INTS13: variants seen among roughly 807,000 people sequenced by gnomAD.
INTS13 encodes integrator complex subunit 13, also known as asunder, spermatogenesis regulator homolog (Drosphila).
In INTS13, 35 loss-of-function variants were observed where a neutral mutation model predicts 90.2. The observed-to-expected ratio is 0.39, with a 90% CI of 0.30 to 0.51. The LOEUF (loss-of-function observed/expected upper bound fraction) is 0.51. Ranked by LOEUF, INTS13 falls within the 20% of genes least tolerant of loss-of-function variation. The pLI, the probability that INTS13 is intolerant of heterozygous loss-of-function variation, is 0.80. For synonymous variants in INTS13, 309 were observed against 277.1 expected (o/e 1.11, Z -1.14); for missense variants, 601 against 851.2 (o/e 0.71, Z 3.66).
intron 2 of INTS13, among the ~76,000 whole-genome samples, chr12:26,936,143 CTT>C (rs1047825125): frequency 2.6e-5 from 4 of 152,214 alleles, no homozygotes; most frequent in African/African-American, 9.6e-5. Context: ...AGTTTCTTCT[CTT>C]TACCTCAGTT....
Position 26,925,802 on chromosome 12 carries a change from C to T in INTS13, c.634G>A (p.Val212Ile). 1.2e-6 allele frequency: 2 copies of T among 1,612,934 alleles called. No homozygotes were observed. Among genetic ancestry groups the T allele is most frequent in the South Asian group, 1.1e-5 (1 of 90,962 alleles). Residue 212 changes from valine (V) to isoleucine (I), a missense_variant, in exon 6 of 17, where the codon GTT becomes ATT. Physicochemically the swap from Val to Ile is conservative, Grantham distance 29. Around this residue, in one of 3 missense-constraint regions of INTS13, gnomAD observed 284 missense variants for 387.7 expected, o/e 0.73. Transcript: ENST00000261191. ...TCAGATACAAGGCTGTCTTCACCAA[C>T]TGGGTAGGTGTGGATCAAGACCAAC... is the stretch of plus-strand genomic sequence containing the variant. ...CELVLIHTYP[V>I]GEDSLVSDRS...
At chr12:26,915,018 G>A (rs1163251095) in intron 11 of INTS13, among the ~76,000 whole-genome samples, 2 of 152,194 alleles carry the variant, frequency 1.3e-5, no homozygotes, top group Non-Finnish European at 2.9e-5. Flanking sequence ...CCTGAGGTCA[G>A]GAGTTCGAGA....
chr12:26,919,231 A>G (rs1050260979), intron 8 of INTS13, among the ~76,000 whole-genome samples: 2 of 152,198 alleles, frequency 1.3e-5, no homozygotes, highest in Admixed American at 6.5e-5. Flanking sequence ...TATTCAGGCA[A>G]AAGAACAATG....
intron 8 of INTS13, among the ~76,000 whole-genome samples, chr12:26,920,125 C>T (rs1952066517): frequency 2.0e-5 from 2 of 102,446 alleles, no homozygotes; most frequent in Non-Finnish European, 4.0e-5. Flanking sequence ...GAGACTCTGT[C>T]TCAAAAAAAA....
At position 26,905,573 on chromosome 12, in the gene INTS13, A is replaced by G. The variant is rs1405841566; in HGVS notation, c.2082-37T>C. 9.5e-6 allele frequency: 15 copies of G among 1,574,876 alleles called. 1 individual carries two copies. Among genetic ancestry groups the G allele is most frequent in the Non-Finnish European group, 1.3e-5 (15 of 1,149,790 alleles). ...AGAAAAAAACGAGTTGATAAAATAAATATTCATTAACATTTTGTCTCCTTA... is the reference window on the plus strand; with the variant it reads ...AGAAAAAAACGAGTTGATAAAATAAGTATTCATTAACATTTTGTCTCCTTA... On this transcript the variant is annotated intron_variant, in intron 16 of 16. Coordinates refer to ENST00000261191, the MANE Select transcript of INTS13 (RefSeq NM_018164.3).
Position 26,936,723 on chromosome 12 carries a change from A to G in INTS13, c.81T>C (p.His27=), listed in dbSNP as rs1418745403. Reference sequence around the variant, plus strand: ...TCTTCACCAGCATATCAAACTCGACATGCTGCCTGCAAGATTCTGCCATAT... The same window carrying G: ...TCTTCACCAGCATATCAAACTCGACGTGCTGCCTGCAAGATTCTGCCATAT... ...CPYMAESCRQ[H]VEFDMLVKNR... The change falls in exon 2 of 17, where the codon CAT becomes CAC. Residue 27 remains histidine, a synonymous_variant. Coordinates refer to ENST00000261191, the MANE Select transcript of INTS13 (RefSeq NM_018164.3). 6.2e-7 allele frequency: 1 copy of G among 1,614,150 alleles called. No homozygotes were observed. Among genetic ancestry groups the G allele is most frequent in the South Asian group, 1.1e-5 (1 of 91,076 alleles).
intron 10 of INTS13, 106 bp from the exon 11 acceptor site, chr12:26,916,286 T>C (rs1027188985): frequency 4.9e-6 from 5 of 1,028,688 alleles, no homozygotes; most frequent in Non-Finnish European, 6.9e-6. Flanking sequence ...TTGATCCCCG[T>C]ATTTTAACCA....
chr12:26,908,050 T>C (rs1951661701), intron 15 of INTS13, among the ~76,000 whole-genome samples: 1 of 152,156 alleles, frequency 6.6e-6, no homozygotes, highest in Non-Finnish European at 1.5e-5. Context: ...AAATTAGTCA[T>C]TATAATACTA....
In INTS13 at chr12:26,916,062, T is replaced by C; in HGVS notation, c.1188A>G (p.Leu396=). 1.9e-6 allele frequency: 3 copies of C among 1,613,904 alleles called. No homozygotes were observed. The highest frequency in any genetic ancestry group is 2.5e-6 in the Non-Finnish European group (3 of 1,179,898). Residue 396 remains leucine, a synonymous_variant, in exon 11 of 17, where the codon CTA becomes CTG. Coordinates refer to ENST00000261191, the MANE Select transcript of INTS13 (RefSeq NM_018164.3). ...LHVLSSSRSI[L]EDPPSISEGC... is the part of the protein sequence containing the mutation. Reference sequence around the variant, plus strand: ...CTTCACTAATTGAAGGTGGATCTTCTAGAATGGATCGAGAACTGCTAAGGA... The same window carrying C: ...CTTCACTAATTGAAGGTGGATCTTCCAGAATGGATCGAGAACTGCTAAGGA...
At chr12:26,927,343 T>G (rs966904215) in intron 5 of INTS13, among the ~76,000 whole-genome samples, 1 of 152,214 alleles carries the variant, frequency 6.6e-6, no homozygotes, top group African/African-American at 2.4e-5. Flanking sequence ...GGGTCTGTAT[T>G]AACTCCAAGG....
chr12:26,931,951 G>A (rs1394524985), intron 3 of INTS13, among the ~76,000 whole-genome samples: 2 of 152,068 alleles, frequency 1.3e-5, no homozygotes. Context: ...GCCGGACGTG[G>A]TGGCAGGCGC....
Position 26,906,378 on chromosome 12 carries a change from G to C in INTS13, c.2005C>G (p.His669Asp). 6.2e-7 allele frequency: 1 copy of C among 1,611,184 alleles called. No individual in the cohort carries two copies. The highest frequency in any genetic ancestry group is 8.5e-7 in the Non-Finnish European group (1 of 1,178,222). ...TTCAAACGTCCAGCAAATTCCTGAT[G>C]TTTTCTGGAATTGGCAGTATTGATT... ...NRINTANSRK[H>D]QEFAGRLNSV... The change falls in exon 16 of 17, where the codon CAT becomes GAT. Residue 669 changes from histidine (H) to aspartate (D), a missense_variant. His to Asp is a moderately conservative substitution (Grantham distance 81). This residue lies in a region of INTS13 where 228 missense variants were observed against 272.5 expected (regional missense o/e 0.84). Coordinates refer to ENST00000261191, the MANE Select transcript of INTS13 (RefSeq NM_018164.3).
chr12:26,925,875 A>G, intron 5 of INTS13, 24 bp from the exon 6 acceptor site: 3 of 1,530,898 alleles, frequency 2.0e-6, no homozygotes, highest in Non-Finnish European at 1.8e-6. Flanking sequence ...TTTTGACTTA[A>G]AATTTAAGAA....
At chr12:26,931,643 T>C (rs1938198064) in intron 3 of INTS13, among the ~76,000 whole-genome samples, 1 of 152,202 alleles carries the variant, frequency 6.6e-6, no homozygotes, top group South Asian at 2.1e-4. Flanking sequence ...TGAAGTCTTC[T>C]ATCCAACTAA....
At chr12:26,922,742 C>A in intron 7 of INTS13, 42 bp from the exon 8 acceptor site, 2 of 1,274,502 alleles carry the variant, frequency 1.6e-6, no homozygotes, top group South Asian at 1.5e-5. Flanking sequence ...CTTGGTTTTG[C>A]TTTCAAAATA....
At chr12:26,925,700 C>A in intron 6 of INTS13, 61 bp downstream of exon 6, 2 of 1,304,662 alleles carry the variant, frequency 1.5e-6, no homozygotes, top group South Asian at 1.3e-5. Flanking sequence ...AATGATAACC[C>A]TTCTCAGTAT....
At chr12:26,915,080 G>C (rs1951893120) in intron 11 of INTS13, among the ~76,000 whole-genome samples, 1 of 152,094 alleles carries the variant, frequency 6.6e-6, no homozygotes, top group South Asian at 2.1e-4. Context: ...ACAAAAATTA[G>C]CTGGGCATGG....
chr12:26,907,998 TG>T (rs1951660139), intron 15 of INTS13, among the ~76,000 whole-genome samples: 1 of 152,124 alleles, frequency 6.6e-6, no homozygotes, highest in South Asian at 2.1e-4. Flanking sequence ...GAATGCAAAA[TG>T]GTGCCACCAC....
chr12:26,937,206 A>G (rs1433519990), intron 1 of INTS13, among the ~76,000 whole-genome samples: 1 of 152,244 alleles, frequency 6.6e-6, no homozygotes, highest in Non-Finnish European at 1.5e-5. Context: ...CATTAGTCAC[A>G]TATAAACCCC....
Sources: gnomAD v4.1 joint callset for allele counts (sites outside exome capture counted in the v4.1 genomes callset) on GRCh38, gnomAD v4.1.1 for gene constraint, gnomAD v4.1.1 regional missense constraint, MANE v1.5 for transcripts, NCBI Gene and HGNC (gene_info 2026-07-23, HGNC 2026-07-21) for gene names.